The following GHR variants were observed in gnomAD, a reference collection of about 807,000 sequenced individuals.
GHR encodes GH receptor.
In GHR, 35 loss-of-function variants were observed where a neutral mutation model predicts 67.1. That is an observed-to-expected ratio of 0.52 (90% CI 0.40 to 0.69). GHR has a LOEUF of 0.69. Among genes scored for constraint, GHR ranks in the 30% least tolerant of loss-of-function variants. The pLI is 0.00. For missense variants in GHR, 792 were observed against 764.6 expected (o/e 1.04, Z -0.42); for synonymous variants, 272 against 269.1 (o/e 1.01, Z -0.10).
intron 2 of GHR, among the ~76,000 whole-genome samples, chr5:42,613,540 G>T (rs1752988882): frequency 6.6e-6 from 1 of 152,104 alleles, no homozygotes; most frequent in Admixed American, 6.6e-5. Flanking sequence ...GTGGAAAGCT[G>T]CACAGTTGGG....
chr5:42,463,976 G>A (rs1744605241), intron 1 of GHR, among the ~76,000 whole-genome samples: 1 of 107,584 alleles, frequency 9.3e-6, no homozygotes, highest in South Asian at 3.5e-4. Flanking sequence ...CTGGGCGACA[G>A]AGCGAGACTC....
At chr5:42,642,644 T>C (rs1372179071) in intron 3 of GHR, among the ~76,000 whole-genome samples, 1 of 152,190 alleles carries the variant, frequency 6.6e-6, no homozygotes, top group African/African-American at 2.4e-5. Flanking sequence ...ATGTACTGAA[T>C]TGAACTTCAT....
At chr5:42,658,944 G>T (rs1755409129) in intron 3 of GHR, among the ~76,000 whole-genome samples, 2 of 152,166 alleles carry the variant, frequency 1.3e-5, no homozygotes, top group Non-Finnish European at 2.9e-5. Flanking sequence ...TATGAAGAGA[G>T]TTGTCTAATC....
chr5:42,467,278 G>T (rs1744772768), intron 1 of GHR: 1 of 1,227,256 alleles, frequency 8.1e-7, no homozygotes, highest in Non-Finnish European at 1.2e-6. Flanking sequence ...ACAACTAAAG[G>T]TTTTCCCAAA....
chr5:42,706,902 GT>G (rs901074519), intron 6 of GHR, among the ~76,000 whole-genome samples: 2 of 151,920 alleles, frequency 1.3e-5, no homozygotes, highest in Admixed American at 1.3e-4. Context: ...TTTTACAATT[GT>G]TTTTTCTAAA....
intron 1 of GHR, among the ~76,000 whole-genome samples, chr5:42,451,442 TA>T (rs1744045211): frequency 6.6e-6 from 1 of 151,968 alleles, no homozygotes; most frequent in Non-Finnish European, 1.5e-5. Flanking sequence ...TTGTCTGATA[TA>T]AGAATAGCTA....
chr5:42,679,637 GA>G, intron 3 of GHR, among the ~76,000 whole-genome samples: 1 of 151,022 alleles, frequency 6.6e-6, no homozygotes, highest in Non-Finnish European at 1.5e-5. Flanking sequence ...AAAAAAAAAA[GA>G]ATACAAATTC....
intron 1 of GHR, among the ~76,000 whole-genome samples, chr5:42,500,344 C>T (rs1306204965): frequency 6.6e-6 from 1 of 152,254 alleles, no homozygotes; most frequent in Non-Finnish European, 1.5e-5. Context: ...TAAAACAAAG[C>T]TCTGGGGCCA....
At chr5:42,553,935 A>G (rs752908856) in intron 1 of GHR, among the ~76,000 whole-genome samples, 1 of 152,192 alleles carries the variant, frequency 6.6e-6, no homozygotes, top group Non-Finnish European at 1.5e-5. Context: ...GCAAAAAAGC[A>G]CATTAATTGA....
Position 42,629,008 on chromosome 5 carries a change from A to T in GHR, c.71-30A>T. ...ATATCAGATTGTTTTGATGGGGATGACTAATGGTTTTCTTCTCTTTCTGTT... is the reference window on the plus strand; with the variant it reads ...ATATCAGATTGTTTTGATGGGGATGTCTAATGGTTTTCTTCTCTTTCTGTT... On this transcript the variant is annotated intron_variant, in intron 2 of 9. Coordinates refer to ENST00000230882, the MANE Select transcript of GHR (RefSeq NM_000163.5). 2 of 1,200,366 alleles carry T rather than the reference A, an allele frequency of 1.7e-6. 1 individual carries two copies. Among genetic ancestry groups the T allele is most frequent in the Non-Finnish European group, 2.4e-6 (2 of 834,110 alleles). 74.4% of individuals were successfully genotyped at this position (1,200,366 alleles called of 1,614,324 possible).
Position 42,579,839 on chromosome 5 carries a change from G to T in GHR, c.70+13895G>T, listed in dbSNP as rs1335241715. On this transcript the variant is annotated intron_variant, in intron 2 of 9. Transcript: ENST00000230882. ...GAGAAATCAATCTGCCATATTTAAG[G>T]TTACATTAACGTGGAACATTCCACG... Among the ~76,000 whole-genome samples, 6 of 151,702 alleles carry T rather than the reference G, an allele frequency of 4.0e-5. No homozygotes were observed. In the East Asian group the frequency reaches 5.8e-4, roughly 15 times the overall value.
chr5:42,478,067 G>A (rs1053263746), intron 1 of GHR, among the ~76,000 whole-genome samples: 4 of 152,096 alleles, frequency 2.6e-5, no homozygotes, highest in Non-Finnish European at 4.4e-5. Context: ...TGTATAAGGT[G>A]TAAGGAAGGG....
intron 1 of GHR, among the ~76,000 whole-genome samples, chr5:42,445,343 A>G (rs1743761748): frequency 6.6e-6 from 1 of 152,210 alleles, no homozygotes. Context: ...TTGAAGTCCA[A>G]CAAATAGAAA....
chr5:42,551,439 A>G lies in GHR; in HGVS notation c.-11-14425A>G, dbSNP rs548228837. Among the ~76,000 whole-genome samples the G allele has an allele frequency of 3.9e-5, 6 of 152,292 alleles. No individual in the cohort carries two copies. In the East Asian group the frequency reaches 1.2e-3, roughly 29 times the overall value. On this transcript the variant is annotated intron_variant, in intron 1 of 9. Coordinates refer to ENST00000230882, the MANE Select transcript of GHR (RefSeq NM_000163.5). ...TTTGTCTAACAGTAGCCTTGAAAGT[A>G]AAGGAAACTTGACCATGAAGAAGGC...
chr5:42,684,861 C>A (rs369331663), intron 3 of GHR, among the ~76,000 whole-genome samples: 1 of 152,196 alleles, frequency 6.6e-6, no homozygotes, highest in African/African-American at 2.4e-5. Flanking sequence ...TCTGAAGATT[C>A]ACTTGTTTGT....
At chr5:42,555,988 C>T (rs1749286483) in intron 1 of GHR, among the ~76,000 whole-genome samples, 1 of 152,164 alleles carries the variant, frequency 6.6e-6, no homozygotes, top group Non-Finnish European at 1.5e-5. Flanking sequence ...CAATGCTGGG[C>T]TGATGTCAGG....
At chr5:42,605,806 C>G (rs1344432465) in intron 2 of GHR, among the ~76,000 whole-genome samples, 2 of 152,220 alleles carry the variant, frequency 1.3e-5, no homozygotes, top group African/African-American at 4.8e-5. Context: ...CCTGTTCAGA[C>G]TCCCGGAGTT....
intron 3 of GHR, among the ~76,000 whole-genome samples, chr5:42,679,994 G>A (rs4547964): frequency 0.66 from 100,436 of 152,072 alleles, 34,428 homozygotes; most frequent in East Asian, 0.82. Context: ...GATCATGCAT[G>A]TCTCATTCTG....
chr5:42,510,795 G>A (rs1284888306), intron 1 of GHR, among the ~76,000 whole-genome samples: 1 of 152,204 alleles, frequency 6.6e-6, no homozygotes, highest in African/African-American at 2.4e-5. Context: ...AAGAAGTTCA[G>A]CCTGCCTTGA....
Sources: gnomAD v4.1 joint callset for allele counts (sites outside exome capture counted in the v4.1 genomes callset) on GRCh38, gnomAD v4.1.1 for gene constraint, MANE v1.5 for transcripts, NCBI Gene and HGNC (gene_info 2026-07-23, HGNC 2026-07-21) for gene names.